COA1: variants seen among roughly 807,000 people sequenced by gnomAD.
COA1 encodes cytochrome c oxidase assembly factor 1, also known as cytochrome c oxidase assembly factor 1 homolog.
In COA1, 13 loss-of-function variants were observed where a neutral mutation model predicts 16.0. That is an observed-to-expected ratio of 0.81 (90% CI 0.53 to 1.29). COA1 has a LOEUF of 1.29. COA1 is among the 50% of genes most tolerant of loss of function. The pLI is 0.00. For missense variants in COA1, 179 were observed against 177.0 expected (o/e 1.01, Z -0.06); for synonymous variants, 65 against 65.7 (o/e 0.99, Z 0.05).
At chr7:43,623,024 T>C (rs2084084515) in intron 6 of COA1, 1 of 152,576 alleles carries the variant, frequency 6.6e-6, no homozygotes, top group Non-Finnish European at 1.5e-5. Flanking sequence ...TGCAACTTAG[T>C]TGCCTTTGTC....
At chr7:43,673,721 T>C (rs931134777) in intron 1 of COA1, among the ~76,000 whole-genome samples, 1 of 152,150 alleles carries the variant, frequency 6.6e-6, no homozygotes, top group African/African-American at 2.4e-5. Context: ...CTATTCACAA[T>C]AGCAAAGACA....
intron 1 of COA1, among the ~76,000 whole-genome samples, chr7:43,655,784 CAGG>C (rs1232798726): frequency 1.3e-5 from 2 of 152,218 alleles, no homozygotes; most frequent in Non-Finnish European, 2.9e-5. Context: ...CTTCAACCAA[CAGG>C]AGGAGGCAGA....
chr7:43,644,654 G>A (rs1035863439), intron 4 of COA1, among the ~76,000 whole-genome samples: 3 of 151,526 alleles, frequency 2.0e-5, no homozygotes, highest in African/African-American at 7.3e-5. Flanking sequence ...AGCCTCCTGG[G>A]TAGCTGGGAT....
chr7:43,710,950 A>G (rs10225076), intron 1 of COA1, among the ~76,000 whole-genome samples: 22,367 of 152,144 alleles, frequency 0.15, 2,195 homozygotes, highest in Non-Finnish European at 0.21. Context: ...AGTCACATGG[A>G]AGCCTTTTGA....
intron 1 of COA1, among the ~76,000 whole-genome samples, chr7:43,713,631 C>G (rs1158712527): frequency 6.6e-6 from 1 of 152,128 alleles, no homozygotes; most frequent in Non-Finnish European, 1.5e-5. Flanking sequence ...CCTGCAAAGT[C>G]TGTATTTCTT....
At chr7:43,616,104 A>G (rs1034715291) in intron 6 of COA1, among the ~76,000 whole-genome samples, 2 of 152,234 alleles carry the variant, frequency 1.3e-5, no homozygotes, top group Non-Finnish European at 2.9e-5. Flanking sequence ...TAGGCAATCA[A>G]TAAATATTTG....
intron 1 of COA1, among the ~76,000 whole-genome samples, chr7:43,691,878 T>C (rs1024184688): frequency 2.0e-5 from 3 of 152,192 alleles, no homozygotes; most frequent in African/African-American, 7.2e-5. Flanking sequence ...CCCAAAGGGT[T>C]TGGCTACAGC....
chr7:43,647,467 T>A (rs766706278), intron 3 of COA1, 68 bp downstream of exon 3: 27 of 1,037,822 alleles, frequency 2.6e-5, no homozygotes, highest in Non-Finnish European at 4.0e-5. Context: ...CTCAAGTATT[T>A]CCTCTGATGG....
intron 6 of COA1, among the ~76,000 whole-genome samples, chr7:43,612,067 G>A (rs1005523795): frequency 1.3e-5 from 2 of 152,168 alleles, no homozygotes; most frequent in African/African-American, 4.8e-5. Flanking sequence ...AGTATATTCA[G>A]TATCAATCAT....
chr7:43,653,983 C>T lies in COA1; in HGVS notation c.-38-5331G>A, dbSNP rs576523131. On this transcript the variant is annotated intron_variant, in intron 1 of 5. Transcript: ENST00000223336. ...CTATAAAGATACACACAAGAAAAGACAGAAAGTAGGGCCTGCTTGGAACCA... is the reference window on the plus strand; with the variant it reads ...CTATAAAGATACACACAAGAAAAGATAGAAAGTAGGGCCTGCTTGGAACCA... Among the ~76,000 whole-genome samples, 25 of 152,166 alleles carry T rather than the reference C, an allele frequency of 1.6e-4. No homozygotes were observed. In the South Asian group the frequency reaches 5.0e-3, roughly 30 times the overall value.
intron 1 of COA1, among the ~76,000 whole-genome samples, chr7:43,687,309 T>A (rs2094082751): frequency 6.6e-6 from 1 of 152,224 alleles, no homozygotes; most frequent in Non-Finnish European, 1.5e-5. Flanking sequence ...CTTTCATTAC[T>A]ATCAGACAAG....
At chr7:43,669,900 A>T (rs1413857063) in intron 1 of COA1, among the ~76,000 whole-genome samples, 2 of 152,070 alleles carry the variant, frequency 1.3e-5, no homozygotes, top group African/African-American at 4.8e-5. Context: ...GTGCTCAGTG[A>T]CTCATTATGG....
At chr7:43,651,910 T>C (rs2090899270) in intron 1 of COA1, among the ~76,000 whole-genome samples, 1 of 151,974 alleles carries the variant, frequency 6.6e-6, no homozygotes, top group Non-Finnish European at 1.5e-5. Context: ...GGCAGGAGGA[T>C]GGCTTGAGCC....
At chr7:43,623,802 G>T (rs376734546) in intron 6 of COA1, 98 of 1,607,086 alleles carry the variant, frequency 6.1e-5, no homozygotes, top group Non-Finnish European at 7.8e-5. Context: ...TCTCACAGAT[G>T]AATTTAAGTT....
intron 5 of COA1, 25 bp from the exon 6 acceptor site, chr7:43,639,706 T>C (rs371464724): frequency 6.3e-7 from 1 of 1,579,822 alleles, no homozygotes. Context: ...AAGTATAGTA[T>C]CTCTAATCTA....
chr7:43,673,171 A>G (rs1272252526), intron 1 of COA1, among the ~76,000 whole-genome samples: 1 of 152,268 alleles, frequency 6.6e-6, no homozygotes, highest in African/African-American at 2.4e-5. Flanking sequence ...GTGAGATCTA[A>G]TTAAGCTTCA....
chr7:43,623,806 T>C (rs139281234), intron 6 of COA1: 1 of 1,607,052 alleles, frequency 6.2e-7, no homozygotes, highest in Admixed American at 1.7e-5. Context: ...ACAGATGAAT[T>C]TAAGTTATTC....
rs2088933613 is a variant in COA1 at position 43,645,304 on chromosome 7, G to T, written c.211C>A (p.His71Asn). The T allele has an allele frequency of 6.2e-7, 1 of 1,614,082 alleles. No homozygotes were observed. Among genetic ancestry groups the T allele is most frequent in the African/African-American group, 1.3e-5 (1 of 75,026 alleles). ...QEALGPPLNI[H>N]YLKLIDRENF... ...TCCCTGTCGATGAGCTTGAGATAAT[G>T]GATGTTGAGAGGAGGGCCCAGAGCT... Residue 71 changes from histidine (H) to asparagine (N), a missense_variant, in exon 4 of 6, where the codon CAT (histidine) becomes AAT (asparagine). Coordinates refer to ENST00000223336, the MANE Select transcript of COA1 (RefSeq NM_018224.4).
At position 43,639,438 on chromosome 7, in the gene COA1, C is replaced by T. The variant is rs1235104405; in HGVS notation, c.*144G>A. On this transcript the variant is annotated 3_prime_UTR_variant, in exon 6 of 6. Transcript: ENST00000223336. ...AGAATTACACCAAAATTACCATGTGCTGGCACATACCATCATCCCACTGGT... is the reference window on the plus strand; with the variant it reads ...AGAATTACACCAAAATTACCATGTGTTGGCACATACCATCATCCCACTGGT... 2.4e-5 allele frequency: 15 copies of T among 633,824 alleles called. No individual in the cohort carries two copies. The South Asian group carries it at 2.6e-4, about 11-fold the overall frequency. 39.3% of individuals were successfully genotyped at this position (633,824 alleles called of 1,614,324 possible).
Sources: allele counts gnomAD v4.1 joint callset (sites outside exome capture counted in the v4.1 genomes callset), GRCh38; gene constraint gnomAD v4.1.1; transcripts MANE v1.5; gene names NCBI Gene and HGNC (gene_info 2026-07-23, HGNC 2026-07-21).